Variants in KCNQ3 observed in about 807,000 individuals in gnomAD.
The protein encoded by KCNQ3 is potassium voltage-gated channel subfamily KQT member 3.
In KCNQ3, 30 loss-of-function variants were observed where a neutral mutation model predicts 92.5. The ratio of observed to expected loss-of-function variants is 0.32; its 90% CI spans 0.24 to 0.44. KCNQ3 has a LOEUF of 0.44. KCNQ3 is among the 20% of genes least tolerant of loss of function. KCNQ3 has a pLI of 1.00. For missense variants in KCNQ3, 913 were observed against 1,140.3 expected (o/e 0.80, Z 2.87); for synonymous variants, 450 against 468.8 (o/e 0.96, Z 0.52).
chr8:132,477,542 G>C (rs1453459432), intron 1 of KCNQ3, among the ~76,000 whole-genome samples: 1 of 152,202 alleles, frequency 6.6e-6, no homozygotes, highest in African/African-American at 2.4e-5. Flanking sequence ...CTAAGCTGCA[G>C]GGAGAATGTA....
intron 1 of KCNQ3, among the ~76,000 whole-genome samples, chr8:132,270,434 C>G (rs1816116614): frequency 6.6e-6 from 1 of 152,200 alleles, no homozygotes; most frequent in Admixed American, 6.5e-5. Context: ...CTGTGTGTAA[C>G]AGAAGGCAAA....
chr8:132,389,807 C>G (rs1239450202), intron 1 of KCNQ3, among the ~76,000 whole-genome samples: 1 of 152,186 alleles, frequency 6.6e-6, no homozygotes. Context: ...AGAGAGAACT[C>G]TCACATGCTA....
intron 14 of KCNQ3, 33 bp from the exon 15 acceptor site, chr8:132,130,029 T>A (rs1312300092): frequency 6.2e-7 from 1 of 1,609,904 alleles, no homozygotes. Flanking sequence ...AATTACCACT[T>A]TCTCTGAGGG....
intron 1 of KCNQ3, among the ~76,000 whole-genome samples, chr8:132,215,019 G>A (rs1263824885): frequency 1.3e-5 from 2 of 152,228 alleles, no homozygotes; most frequent in African/African-American, 2.4e-5. Flanking sequence ...ATGTCACCTT[G>A]TAAATGTGGA....
At chr8:132,181,723 T>A (rs1826784033) in intron 3 of KCNQ3, among the ~76,000 whole-genome samples, 1 of 152,078 alleles carries the variant, frequency 6.6e-6, no homozygotes, top group Admixed American at 6.6e-5. Context: ...CAGCTTGGAA[T>A]AACCTCCTCA....
chr8:132,399,805 C>T (rs540615259), intron 1 of KCNQ3, among the ~76,000 whole-genome samples: 158 of 152,308 alleles, frequency 1.0e-3, no homozygotes, highest in Non-Finnish European at 2.0e-3. Flanking sequence ...CAGATAAACA[C>T]TCTCTGGGCC....
chr8:132,210,463 T>C (rs192159764), intron 1 of KCNQ3, among the ~76,000 whole-genome samples: 19 of 152,360 alleles, frequency 1.2e-4, no homozygotes, highest in Admixed American at 6.5e-4. Context: ...TTGATAGCTA[T>C]ATACTTGCTA....
At chr8:132,415,949 G>C (rs928125635) in intron 1 of KCNQ3, among the ~76,000 whole-genome samples, 2 of 152,142 alleles carry the variant, frequency 1.3e-5, no homozygotes, top group Non-Finnish European at 2.9e-5. Context: ...GAGCCCATCT[G>C]GTAGGCACCT....
chr8:132,271,200 G>A (rs1219050082), intron 1 of KCNQ3, among the ~76,000 whole-genome samples: 2 of 152,240 alleles, frequency 1.3e-5, no homozygotes, highest in East Asian at 1.9e-4. Flanking sequence ...AAGAGCCATT[G>A]CTCCAGGACT....
intron 1 of KCNQ3, among the ~76,000 whole-genome samples, chr8:132,356,112 G>T (rs552385323): frequency 6.6e-6 from 1 of 152,278 alleles, no homozygotes; most frequent in South Asian, 2.1e-4. Context: ...GCCATTGGTG[G>T]ATCTCCTGAG....
intron 1 of KCNQ3, among the ~76,000 whole-genome samples, chr8:132,313,833 C>T (rs1450074227): frequency 6.6e-6 from 1 of 152,148 alleles, no homozygotes; most frequent in Non-Finnish European, 1.5e-5. Context: ...TGTCTACCTC[C>T]AGTAACACAG....
intron 1 of KCNQ3, among the ~76,000 whole-genome samples, chr8:132,231,567 T>C (rs1814649325): frequency 6.6e-6 from 1 of 152,174 alleles, no homozygotes; most frequent in East Asian, 1.9e-4. Flanking sequence ...GATTGCTTTT[T>C]CTCTACACAC....
rs188255167 is a variant in KCNQ3 at position 132,185,093 on chromosome 8, C to T, written c.478-726G>A. On this transcript the variant is annotated intron_variant, in intron 2 of 14. Transcript: ENST00000388996. ...GGTGCCCTGAGGCATTGCTGCTCCA[C>T]GACAATCCCTGGAGCCTAGTTCCTG... 2.2e-3 allele frequency among the ~76,000 whole-genome samples: 337 copies of T among 152,320 alleles called. 1 individual carries two copies. The highest frequency in any genetic ancestry group is 7.7e-3 in the African/African-American group (321 of 41,564).
chr8:132,200,894 C>T (rs192991650), intron 1 of KCNQ3, among the ~76,000 whole-genome samples: 2 of 152,224 alleles, frequency 1.3e-5, no homozygotes, highest in East Asian at 1.9e-4. Flanking sequence ...AATCCTTTTT[C>T]GGTTGCTATA....
chr8:132,204,552 TG>T (rs1282980935), intron 1 of KCNQ3, among the ~76,000 whole-genome samples: 1 of 152,206 alleles, frequency 6.6e-6, no homozygotes, highest in Non-Finnish European at 1.5e-5. Flanking sequence ...TTCTGCTCCC[TG>T]TCTCCTCTCT....
intron 9 of KCNQ3, among the ~76,000 whole-genome samples, chr8:132,162,610 G>C (rs1213395350): frequency 6.6e-6 from 1 of 152,136 alleles, no homozygotes; most frequent in Non-Finnish European, 1.5e-5. Flanking sequence ...GGCCCTTACA[G>C]TCCTAAGTGG....
At chr8:132,397,155 A>G (rs1302988150) in intron 1 of KCNQ3, among the ~76,000 whole-genome samples, 1 of 152,178 alleles carries the variant, frequency 6.6e-6, no homozygotes, top group Admixed American at 6.5e-5. Context: ...ATGGGCTAAT[A>G]TCGCATTTTA....
At chr8:132,342,906 C>G (rs1818574655) in intron 1 of KCNQ3, among the ~76,000 whole-genome samples, 1 of 152,204 alleles carries the variant, frequency 6.6e-6, no homozygotes, top group Non-Finnish European at 1.5e-5. Context: ...CCCCCATCAC[C>G]TACTGCACTA....
chr8:132,455,263 C>A (rs138524189), intron 1 of KCNQ3, among the ~76,000 whole-genome samples: 1 of 152,070 alleles, frequency 6.6e-6, no homozygotes, highest in Non-Finnish European at 1.5e-5. Context: ...TGTGCCACCA[C>A]GTCTGTCTAA....
Sources: gnomAD v4.1 joint callset for allele counts (sites outside exome capture counted in the v4.1 genomes callset) on GRCh38, gnomAD v4.1.1 for gene constraint, MANE v1.5 for transcripts, NCBI Gene and HGNC (gene_info 2026-07-23, HGNC 2026-07-21) for gene names.